The following RALYL variants were observed in gnomAD, a reference collection of about 807,000 sequenced individuals.
The protein encoded by RALYL is RALY RNA binding protein like, also known as RNA-binding Raly-like protein.
Under a neutral mutation model 35.1 loss-of-function variants are expected in RALYL, and 29 were observed. The observed-to-expected ratio is 0.83, with a 90% CI of 0.61 to 1.13. The LOEUF is 1.13. RALYL is among the 50% of genes most tolerant of loss of function. RALYL has a pLI of 0.00. For synonymous variants in RALYL, 120 were observed against 127.6 expected, an observed-to-expected ratio of 0.94 and a Z score of 0.40; for missense variants, 359 against 360.4, an observed-to-expected ratio of 1.00 and a Z score of 0.03.
At chr8:84,760,441 T>G (rs528217323) in intron 2 of RALYL, among the ~76,000 whole-genome samples, 2 of 152,198 alleles carry the variant, frequency 1.3e-5, no homozygotes, top group South Asian at 4.1e-4. Context: ...TTTATAAATA[T>G]TTTATGTATA....
chr8:84,538,127 G>A (rs936407973), intron 2 of RALYL, among the ~76,000 whole-genome samples: 1 of 152,124 alleles, frequency 6.6e-6, no homozygotes, highest in Non-Finnish European at 1.5e-5. Flanking sequence ...TAGAACTAAC[G>A]GTCTGTCAGC....
At chr8:84,542,391 A>T (rs1276755107) in intron 2 of RALYL, among the ~76,000 whole-genome samples, 1 of 152,086 alleles carries the variant, frequency 6.6e-6, no homozygotes, top group East Asian at 1.9e-4. Context: ...ATAATTTCTT[A>T]AATAACCACA....
intron 1 of RALYL, among the ~76,000 whole-genome samples, chr8:84,408,514 G>T (rs2043778139): frequency 6.6e-6 from 1 of 152,164 alleles, no homozygotes; most frequent in East Asian, 1.9e-4. Flanking sequence ...CCAAATCCTT[G>T]TAATGGCACA....
intron 1 of RALYL, among the ~76,000 whole-genome samples, chr8:84,360,973 A>G (rs1023543329): frequency 1.3e-5 from 2 of 151,826 alleles, no homozygotes; most frequent in African/African-American, 2.4e-5. Flanking sequence ...AAAAAAAAAA[A>G]AAAAGAAAAA....
intron 1 of RALYL, among the ~76,000 whole-genome samples, chr8:84,371,797 GA>G (rs1563807266): frequency 1.3e-5 from 2 of 151,906 alleles, no homozygotes; most frequent in Non-Finnish European, 2.9e-5. Context: ...GGTTTCTTGG[GA>G]AAAAAATAAA....
chr8:84,237,112 T>G (rs1826760000), intron 1 of RALYL, among the ~76,000 whole-genome samples: 1 of 152,182 alleles, frequency 6.6e-6, no homozygotes, highest in South Asian at 2.1e-4. Flanking sequence ...CCAAGAATAC[T>G]GCACATTTTA....
At chr8:84,275,474 AAT>A (rs112699780) in intron 1 of RALYL, among the ~76,000 whole-genome samples, 6,275 of 146,626 alleles carry the variant, frequency 0.043, 133 homozygotes, top group South Asian at 0.06. Context: ...GATGTTTTGA[AAT>A]ATATATATAT....
intron 1 of RALYL, among the ~76,000 whole-genome samples, chr8:84,253,364 A>ATTT (rs535716220): frequency 2.0e-5 from 2 of 99,566 alleles, no homozygotes; most frequent in Non-Finnish European, 2.2e-5. Flanking sequence ...TAATTTTTGT[A>ATTT]TTTTTTTTTT....
rs1311933235 is a variant in RALYL at position 84,403,522 on chromosome 8, CTGTTT to C, written c.-23-125775_-23-125771del. 5.7e-3 allele frequency among the ~76,000 whole-genome samples: 299 copies of C among 52,126 alleles called. 7 individuals carry two copies. Among genetic ancestry groups the C allele is most frequent in the African/African-American group, 0.02 (288 of 14,714 alleles). 34.2% of individuals were successfully genotyped at this position (52,126 alleles called of 152,430 possible). ...TGTTCTGTTCCATTGGTCTATATCT[CTGTTT>C]TTTTTTTTTTTTTTTTTTTTTTTTT... On this transcript the variant is annotated intron_variant, in intron 1 of 8. Transcript: ENST00000521268.
intron 2 of RALYL, among the ~76,000 whole-genome samples, chr8:84,773,679 C>T (rs1816129808): frequency 6.6e-6 from 1 of 152,098 alleles, no homozygotes; most frequent in Non-Finnish European, 1.5e-5. Context: ...ATTTTGACAA[C>T]CTTGGAATTC....
chr8:84,436,157 T>A (rs1212851123), intron 1 of RALYL, among the ~76,000 whole-genome samples: 1 of 152,048 alleles, frequency 6.6e-6, no homozygotes, highest in Non-Finnish European at 1.5e-5. Flanking sequence ...TCTAGGCAAT[T>A]TGAAGAAGAT....
chr8:84,584,265 C>T (rs781703013), intron 2 of RALYL, among the ~76,000 whole-genome samples: 26 of 152,192 alleles, frequency 1.7e-4, no homozygotes, highest in African/African-American at 4.6e-4. Context: ...GAGGAACTTA[C>T]GGAAACAAAG....
chr8:84,406,094 C>T (rs888960106), intron 1 of RALYL, among the ~76,000 whole-genome samples: 24 of 149,750 alleles, frequency 1.6e-4, no homozygotes, highest in African/African-American at 5.1e-4. Flanking sequence ...AAAAAGTTAA[C>T]TGTACCACCT....
At chr8:84,802,604 AAG>A (rs1007445208) in intron 3 of RALYL, among the ~76,000 whole-genome samples, 2 of 151,978 alleles carry the variant, frequency 1.3e-5, no homozygotes, top group Non-Finnish European at 2.9e-5. Context: ...TTCAAAAAAA[AAG>A]AGAGAGAGAG....
intron 2 of RALYL, among the ~76,000 whole-genome samples, chr8:84,545,621 G>A (rs998239999): frequency 6.6e-6 from 1 of 152,086 alleles, no homozygotes; most frequent in Non-Finnish European, 1.5e-5. Context: ...CTTCATGTAT[G>A]ATCCTCATGT....
chr8:84,871,679 C>A (rs949488519), intron 6 of RALYL, among the ~76,000 whole-genome samples: 1 of 152,120 alleles, frequency 6.6e-6, no homozygotes, highest in African/African-American at 2.4e-5. Context: ...TCAGTTTAGT[C>A]ATTCCTCAGA....
intron 2 of RALYL, among the ~76,000 whole-genome samples, chr8:84,654,930 C>A (rs866112510): frequency 1.3e-5 from 2 of 151,706 alleles, no homozygotes; most frequent in East Asian, 1.9e-4. Context: ...AATTTCCTTT[C>A]TTTTTGGGTA....
At chr8:84,866,749 T>A (rs1233546074) in intron 6 of RALYL, among the ~76,000 whole-genome samples, 1 of 152,046 alleles carries the variant, frequency 6.6e-6, no homozygotes, top group Non-Finnish European at 1.5e-5. Flanking sequence ...TTATCTGAAG[T>A]GAAGATTTAC....
intron 2 of RALYL, among the ~76,000 whole-genome samples, chr8:84,676,904 G>A (rs750416098): frequency 7.2e-5 from 11 of 152,116 alleles, no homozygotes; most frequent in Non-Finnish European, 1.3e-4. Flanking sequence ...CCGGGTTCAA[G>A]CAATTCTTCT....
Sources: allele counts gnomAD v4.1 joint callset (sites outside exome capture counted in the v4.1 genomes callset), GRCh38; gene constraint gnomAD v4.1.1; transcripts MANE v1.5; gene names NCBI Gene and HGNC (gene_info 2026-07-23, HGNC 2026-07-21).